Variants in LMTK3 observed in about 807,000 individuals in gnomAD.
LMTK3 encodes the protein serine/threonine-protein kinase LMTK3.
Under a neutral mutation model 116.7 loss-of-function variants are expected in LMTK3, and 27 were observed. That is an observed-to-expected ratio of 0.23 (90% CI 0.17 to 0.32). The LOEUF (loss-of-function observed/expected upper bound fraction) is 0.32. Ranked by LOEUF, LMTK3 falls within the 10% of genes least tolerant of loss-of-function variation. The probability of loss-of-function intolerance (pLI) is 1.00; values close to 1 mark genes in which losing one functional copy is unlikely to be tolerated. For synonymous variants in LMTK3, 965 were observed against 971.0 expected (o/e 0.99, Z 0.11); for missense variants, 1,764 against 2,068.5 (o/e 0.85, Z 2.86).
chr19:48,501,696 G>T, intron 7 of LMTK3, 134 bp from the exon 8 acceptor site: 1 of 886,028 alleles, frequency 1.1e-6, no homozygotes. Flanking sequence ...CCTCTGATCT[G>T]TCTCTCCCCT....
Position 48,499,200 on chromosome 19 carries a change from T to C in LMTK3, c.1869A>G (p.Gly623=). 1 of 1,439,136 alleles carries C rather than the reference T, an allele frequency of 6.9e-7. No homozygotes were observed. 89.1% of individuals were successfully genotyped at this position (1,439,136 alleles called of 1,614,324 possible). A position where few individuals can be genotyped will look rare whatever the true frequency, so the allele number is the denominator to read the frequency against. The change falls in exon 11 of 15, where the codon GGA becomes GGG. Residue 623 remains glycine, a synonymous_variant. Coordinates refer to ENST00000600059, the MANE Select transcript of LMTK3 (RefSeq NM_001388485.1). The part of the protein sequence containing the change: ...EGRGAGETLA[G]DPAEVLGERG... ...GCTCCCCCAAGACCTCGGCAGGGTC[T>C]CCCGCCAGGGTCTCCCCGGCGCCCC...
chr19:48,493,789 G>A lies in LMTK3; in HGVS notation c.3997C>T (p.Pro1333Ser), dbSNP rs1309468152. ...ARPLRGLLKS[P>S]RGADEPEDSE... ...TCCTCTGGCTCGTCGGCCCCGCGCG[G>A]AGACTTGAGCAGCCCCCGCAGCGGG... The change falls in exon 12 of 15, where the codon CCG becomes TCG. Residue 1333 changes from proline (P) to serine (S), a missense_variant. Coordinates refer to ENST00000600059, the MANE Select transcript of LMTK3 (RefSeq NM_001388485.1). The A allele has an allele frequency of 1.6e-5, 25 of 1,536,514 alleles. No homozygotes were observed. The highest frequency in any genetic ancestry group is 2.2e-5 in the Non-Finnish European group (25 of 1,142,210).
intron 12 of LMTK3, 45 bp downstream of exon 12, chr19:48,493,649 C>T (rs767098576): frequency 3.9e-6 from 6 of 1,531,470 alleles, no homozygotes; most frequent in African/African-American, 2.8e-5. Flanking sequence ...GCTCCTGCTC[C>T]CTCCAGGCCG....
intron 14 of LMTK3, among the ~76,000 whole-genome samples, chr19:48,488,717 C>T (rs2147527660): frequency 6.7e-6 from 1 of 149,594 alleles, no homozygotes; most frequent in Middle Eastern, 3.4e-3. Context: ...ACCAACCCTT[C>T]CAGTTCCCAG....
intron 14 of LMTK3, among the ~76,000 whole-genome samples, chr19:48,487,614 C>CG (rs1423115732): frequency 6.6e-6 from 1 of 152,184 alleles, no homozygotes; most frequent in East Asian, 1.9e-4. Flanking sequence ...GGAAAGAGCT[C>CG]TCCCCAGGAA....
rs1410491354 is a variant in LMTK3, at chr19:48,511,631, G to A, written c.-55C>T. 6.6e-6 allele frequency: 3 copies of A among 456,732 alleles called. No homozygotes were observed. Among genetic ancestry groups the A allele is most frequent in the Non-Finnish European group, 1.2e-5 (3 of 252,170 alleles). The allele number at this position is 456,732 out of a possible 1,614,324, so 28.3% of individuals were successfully genotyped here. On this transcript the variant is annotated 5_prime_UTR_variant, in exon 1 of 15. Coordinates refer to ENST00000600059, the MANE Select transcript of LMTK3 (RefSeq NM_001388485.1). ...GGTGGCGGCTGGGGAGGAGGGGGGG[G>A]CGGGCCCTCAGCCCCCAGCCATGGG...
At position 48,491,462 on chromosome 19, in the gene LMTK3, CG is replaced by C. The variant is rs1312882630; in HGVS notation, c.4169del (p.Pro1390ArgfsTer94). 1.4e-6 allele frequency: 2 copies of C among 1,414,738 alleles called. No homozygotes were observed. The highest frequency in any genetic ancestry group is 1.8e-6 in the Non-Finnish European group (2 of 1,084,462). 87.6% of individuals were successfully genotyped at this position (1,414,738 alleles called of 1,614,324 possible). A position where few individuals can be genotyped will look rare whatever the true frequency, so the allele number is the denominator to read the frequency against. On this transcript the variant is annotated frameshift_variant, in exon 13 of 15. Transcript: ENST00000600059. LOFTEE classifies it high-confidence loss of function. This position sits in a 1 kb window ranked among gnomAD's most constrained non-coding sequence, Gnocchi z 5.1. Reference protein sequence around the residue: ...DTDPSTPPAPPTPPHPATPGD... With the variant: ...DTDPSTPPAPXTPPHPATPGD... ...CGGGGGTGGCGGGGTGGGGAGGTGT[CG>C]GGGGCGCTGGAGGCGTTGACGGGTC...
At position 48,494,093 on chromosome 19, in the gene LMTK3, G is replaced by C; in HGVS notation, c.3693C>G (p.Leu1231=). 1 of 1,197,934 alleles carries C rather than the reference G, an allele frequency of 8.3e-7. No individual in the cohort carries two copies. Among genetic ancestry groups the C allele is most frequent in the Non-Finnish European group, 1.0e-6 (1 of 964,760 alleles). 74.2% of individuals were successfully genotyped at this position (1,197,934 alleles called of 1,614,324 possible). ...SEQIKARLSR[L]SLALPPLTLT... ...GCGTGAGCGGCGGCAGCGCCAGCGA[G>C]AGCCGGGAGAGCCTGGCTGCGAGGG... The change falls in exon 12 of 15, where the codon CTC becomes CTG. Residue 1231 remains leucine (L), a synonymous_variant. Coordinates refer to ENST00000600059, the MANE Select transcript of LMTK3 (RefSeq NM_001388485.1). This position sits in a 1 kb window ranked among gnomAD's most constrained non-coding sequence, Gnocchi z 4.0.
chr19:48,496,113 TG>T (rs1972317730), intron 11 of LMTK3, among the ~76,000 whole-genome samples: 4 of 151,296 alleles, frequency 2.6e-5, no homozygotes, highest in African/African-American at 4.9e-5. Flanking sequence ...TGTTTTGTTT[TG>T]TTTTGTTTTG....
chr19:48,512,315 C>A (rs752912525), upstream of LMTK3, among the ~76,000 whole-genome samples: 1 of 152,138 alleles, frequency 6.6e-6, no homozygotes, highest in Non-Finnish European at 1.5e-5. Context: ...GCTTCCAGCA[C>A]AGATGCACCC....
intron 3 of LMTK3, 133 bp downstream of exon 3, chr19:48,509,890 C>T (rs1569107896): frequency 2.0e-6 from 2 of 976,130 alleles, no homozygotes; most frequent in Non-Finnish European, 3.0e-6. Context: ...TCCAAGATTC[C>T]AGCGCTCCCA....
chr19:48,511,603 GGTGGTGGCGGCTGGGGAGGA>G lies in LMTK3; in HGVS notation c.-47_-28del. The G allele has an allele frequency of 8.4e-7, 1 of 1,193,552 alleles. No individual in the cohort carries two copies. Among genetic ancestry groups the G allele is most frequent in the Non-Finnish European group, 1.1e-6 (1 of 889,202 alleles). 73.9% of individuals were successfully genotyped at this position (1,193,552 alleles called of 1,614,324 possible). A position where few individuals can be genotyped will look rare whatever the true frequency, so the allele number is the denominator to read the frequency against. The stretch of plus-strand genomic sequence containing the variant: ...TTGTCGAGGATGGCAGGGAGGTGGA[GGTGGTGGCGGCTGGGGAGGA>G]GGGGGGGGCGGGCCCTCAGCCCCCA... On this transcript the variant is annotated 5_prime_UTR_variant, in exon 1 of 15. Transcript: ENST00000600059.
chr19:48,509,871 T>C (rs760727620), intron 3 of LMTK3, among the ~76,000 whole-genome samples, 152 bp downstream of exon 3: 5 of 152,096 alleles, frequency 3.3e-5, no homozygotes, highest in Non-Finnish European at 7.4e-5. Flanking sequence ...TGCCTCCCCA[T>C]AGGCTGCTTC....
At chr19:48,502,673 G>A (rs1972494246) in intron 6 of LMTK3, 92 bp from the exon 7 acceptor site, 1 of 1,405,252 alleles carries the variant, frequency 7.1e-7, no homozygotes, top group South Asian at 1.4e-5. Flanking sequence ...CTGTCACTGG[G>A]TAGCCCCTCT....
At chr19:48,509,012 A>C in intron 4 of LMTK3, 43 bp from the exon 5 acceptor site, 1 of 1,374,530 alleles carries the variant, frequency 7.3e-7, no homozygotes, top group South Asian at 1.3e-5. Flanking sequence ...CCGTTTCCCC[A>C]GCCCCGTCCC....
At position 48,493,818 on chromosome 19, in the gene LMTK3, GCCGCGT is replaced by G; in HGVS notation, c.3962_3967del (p.Asp1321_Ala1322del). On this transcript the variant is annotated inframe_deletion, in exon 12 of 15. Transcript: ENST00000600059. ...CTTGAGCAGCCCCCGCAGCGGGCGG[GCCGCGT>G]CCGCGTCGGCGCTGCTCACCACGAC... The G allele has an allele frequency of 6.7e-7, 1 of 1,501,176 alleles. No homozygotes were observed. Among genetic ancestry groups the G allele is most frequent in the Non-Finnish European group, 8.9e-7 (1 of 1,125,616 alleles). The allele number at this position is 1,501,176 out of a possible 1,614,324, so 93.0% of individuals were successfully genotyped here.
intron 7 of LMTK3, 58 bp downstream of exon 7, chr19:48,502,375 C>A: frequency 6.4e-7 from 1 of 1,572,386 alleles, no homozygotes; most frequent in Non-Finnish European, 8.6e-7. Context: ...CCCCTGAGGC[C>A]TCACCTCCTT....
chr19:48,509,053 C>G, intron 4 of LMTK3, 84 bp from the exon 5 acceptor site: 1 of 884,540 alleles, frequency 1.1e-6, no homozygotes, highest in Non-Finnish European at 1.8e-6. Flanking sequence ...CCACACAGCT[C>G]CCAACCCCCG....
intron 14 of LMTK3, among the ~76,000 whole-genome samples, chr19:48,489,577 TACTA>T (rs771069814): frequency 1.1e-4 from 16 of 152,092 alleles, no homozygotes; most frequent in Non-Finnish European, 1.5e-4. Context: ...GTCTCAAAAA[TACTA>T]ACTAACTAAA....
Sources: gnomAD v4.1 joint callset for allele counts (sites outside exome capture counted in the v4.1 genomes callset) on GRCh38, gnomAD v4.1.1 for gene constraint, Gnocchi (gnomAD v3.1) non-coding constraint, MANE v1.5 for transcripts, NCBI Gene and HGNC (gene_info 2026-07-23, HGNC 2026-07-21) for gene names.